The following ANKRD16 variants were observed in gnomAD, a reference collection of about 807,000 sequenced individuals.
The protein encoded by ANKRD16 is ankyrin repeat domain-containing protein 16.
ANKRD16 carries 35 observed loss-of-function variants against 37.9 expected under a neutral mutation model. The observed-to-expected ratio is 0.92, with a 90% CI of 0.71 to 1.23. ANKRD16 has a LOEUF of 1.23. ANKRD16 is among the 50% of genes most tolerant of loss of function. The probability of loss-of-function intolerance (pLI) is 0.00; values close to 1 mark genes in which losing one functional copy is unlikely to be tolerated. For missense variants in ANKRD16, 480 were observed against 469.9 expected (o/e 1.02, Z -0.20); for synonymous variants, 206 against 197.2 (o/e 1.04, Z -0.37).
chr10:5,889,011 A>T, intron 1 of ANKRD16, 30 bp downstream of exon 1: 1 of 1,488,418 alleles, frequency 6.7e-7, no homozygotes. Context: ...AGTAGAGGGG[A>T]GGCGGGGTGT....
At position 5,880,222 on chromosome 10, in the gene ANKRD16, A is replaced by T. The variant is rs1195578933; in HGVS notation, c.928+76T>A. 9 of 463,118 alleles carry T rather than the reference A, an allele frequency of 1.9e-5. No homozygotes were observed. In the East Asian group the frequency reaches 3.4e-4, roughly 17 times the overall value. 28.7% of individuals were successfully genotyped at this position (463,118 alleles called of 1,614,324 possible). On this transcript the variant is annotated intron_variant, in intron 6 of 7. Transcript: ENST00000380094. Reference sequence around the variant, plus strand: ...AAAAAAAAGGAAGAATATTAAAATCATTGTTTTAAATATAAAAGTGTATTG... The same window carrying T: ...AAAAAAAAGGAAGAATATTAAAATCTTTGTTTTAAATATAAAAGTGTATTG...
Position 5,864,801 on chromosome 10 carries a change from C to G in ANKRD16, c.*34-2110G>C, listed in dbSNP as rs914309372. ...AGGACAAAGGAGAATTAGGAAAAAG[C>G]CTGTGAATTATTTGATGATGTCCAC... is the stretch of plus-strand genomic sequence containing the variant. On this transcript the variant is annotated intron_variant, in intron 7 of 7. Transcript: ENST00000380094. This position sits in a 1 kb window ranked among gnomAD's most constrained non-coding sequence, Gnocchi z 4.4. Among the ~76,000 whole-genome samples the G allele has an allele frequency of 6.6e-6, 1 of 152,106 alleles. No individual in the cohort carries two copies. Among genetic ancestry groups the G allele is most frequent in the East Asian group, 1.9e-4 (1 of 5,196 alleles).
chr10:5,887,883 C>T lies in ANKRD16; in HGVS notation c.499G>A (p.Glu167Lys), dbSNP rs769273469. 6.2e-7 allele frequency: 1 copy of T among 1,614,000 alleles called. No homozygotes were observed. The highest frequency in any genetic ancestry group is 1.3e-5 in the African/African-American group (1 of 74,940). The stretch of plus-strand genomic sequence containing the variant: ...AGAGGAGTCCTTCTAATTTTGCTCT[C>T]TGTCTTCCAGGCACCTGGGCAAACA... ...LTVCPGAWKT[E>K]SKIRRTPLHT... The change falls in exon 2 of 8, where the codon GAG becomes AAG. Residue 167 changes from glutamate to lysine, a missense_variant. Physicochemically the swap from Glu to Lys is moderately conservative, Grantham distance 56. Coordinates refer to ENST00000380094, the MANE Select transcript of ANKRD16 (RefSeq NM_019046.3).
chr10:5,874,574 G>A lies in ANKRD16; in HGVS notation c.*33+3523C>T, dbSNP rs76645380. Among the ~76,000 whole-genome samples, 5,413 of 152,280 alleles carry A rather than the reference G, an allele frequency of 0.036. 185 individuals carry two copies. Among genetic ancestry groups the A allele is most frequent in the East Asian group, 0.15 (777 of 5,176 alleles). On this transcript the variant is annotated intron_variant, in intron 7 of 7. Coordinates refer to ENST00000380094, the MANE Select transcript of ANKRD16 (RefSeq NM_019046.3). The surrounding 1 kb of genome is among the most constrained non-coding windows in gnomAD (Gnocchi z 4.7). ...GGACTCCTTAAGAGGGAGGAGTCAT[G>A]ACTGACCCCCAGCTTTCCAACACAG... is the stretch of plus-strand genomic sequence containing the variant.
intron 7 of ANKRD16, among the ~76,000 whole-genome samples, chr10:5,872,819 G>C (rs1216037421): frequency 1.3e-5 from 2 of 151,720 alleles, no homozygotes; most frequent in Non-Finnish European, 2.9e-5. Flanking sequence ...GCCTCCCAAA[G>C]TGCTGGCATT....
At position 5,874,157 on chromosome 10, in the gene ANKRD16, G is replaced by A. The variant is rs1017942141; in HGVS notation, c.*33+3940C>T. The stretch of plus-strand genomic sequence containing the variant: ...GCCTGCCTCAGCCTCCCATAATACT[G>A]GGACTACAGGTGTAAGCCATCGTGC... On this transcript the variant is annotated intron_variant, in intron 7 of 7. Transcript: ENST00000380094. The surrounding 1 kb of genome is among the most constrained non-coding windows in gnomAD (Gnocchi z 4.7). Among the ~76,000 whole-genome samples, 19 of 152,218 alleles carry A rather than the reference G, an allele frequency of 1.2e-4. No individual in the cohort carries two copies. The highest frequency in any genetic ancestry group is 4.6e-4 in the African/African-American group (19 of 41,448).
intron 7 of ANKRD16, among the ~76,000 whole-genome samples, chr10:5,873,291 A>G (rs11255670): frequency 0.077 from 11,677 of 151,972 alleles, 1,477 homozygotes; most frequent in African/African-American, 0.26. Flanking sequence ...CGGCCTCCCA[A>G]AGTGCTGGGA....
chr10:5,862,726 A>G lies in ANKRD16; in HGVS notation c.*34-35T>C. 1 of 1,274,744 alleles carries G rather than the reference A, an allele frequency of 7.8e-7. No individual in the cohort carries two copies. The highest frequency in any genetic ancestry group is 1.0e-6 in the Non-Finnish European group (1 of 975,356). 79.0% of individuals were successfully genotyped at this position (1,274,744 alleles called of 1,614,324 possible). A position where few individuals can be genotyped will look rare whatever the true frequency, so the allele number is the denominator to read the frequency against. On this transcript the variant is annotated intron_variant, in intron 7 of 7. Transcript: ENST00000380094. The surrounding 1 kb of genome is among the most constrained non-coding windows in gnomAD (Gnocchi z 6.5). Reference sequence around the variant, plus strand: ...AAGAGTTATTATCATCTCAGTTTACAGATGAAACAGAAGCTCAGAGAGGGC... The same window carrying G: ...AAGAGTTATTATCATCTCAGTTTACGGATGAAACAGAAGCTCAGAGAGGGC...
intron 3 of ANKRD16, among the ~76,000 whole-genome samples, chr10:5,884,517 G>C (rs940121853): frequency 6.6e-6 from 1 of 152,110 alleles, no homozygotes; most frequent in Non-Finnish European, 1.5e-5. Flanking sequence ...GATCACCTGA[G>C]GTCAGGAGTT....
In ANKRD16 at chr10:5,868,592, A is replaced by G. The variant is rs549344631; in HGVS notation, c.*34-5901T>C. On this transcript the variant is annotated intron_variant, in intron 7 of 7. Transcript: ENST00000380094. The surrounding 1 kb of genome is among the most constrained non-coding windows in gnomAD (Gnocchi z 4.9). ...TCTGTAAAATGGACCAATCAGCAGG[A>G]TGTGGGTGGGGACAAGTAAGGGAAT... Among the ~76,000 whole-genome samples, 1 of 152,310 alleles carries G rather than the reference A, an allele frequency of 6.6e-6. No homozygotes were observed. The highest frequency in any genetic ancestry group is 2.1e-4 in the South Asian group (1 of 4,824).
Position 5,864,356 on chromosome 10 carries a change from C to G in ANKRD16, c.*34-1665G>C, listed in dbSNP as rs79559548. 6.6e-6 allele frequency among the ~76,000 whole-genome samples: 1 copy of G among 152,018 alleles called. No individual in the cohort carries two copies. The highest frequency in any genetic ancestry group is 2.1e-4 in the South Asian group (1 of 4,808). On this transcript the variant is annotated intron_variant, in intron 7 of 7. Transcript: ENST00000380094. The surrounding 1 kb of genome is among the most constrained non-coding windows in gnomAD (Gnocchi z 4.4). ...ACAACCTCCCCCCCACCCCTGCTAT[C>G]GGTTATGTCCTTTTCAAGCTGTATG...
chr10:5,862,691 T>C lies in ANKRD16; in HGVS notation c.*34A>G. The C allele has an allele frequency of 7.8e-7, 1 of 1,289,504 alleles. No individual in the cohort carries two copies. Among genetic ancestry groups the C allele is most frequent in the Non-Finnish European group, 1.0e-6 (1 of 988,668 alleles). 79.9% of individuals were successfully genotyped at this position (1,289,504 alleles called of 1,614,324 possible). On this transcript the variant is annotated splice_region_variant and 3_prime_UTR_variant, in exon 8 of 8. Transcript: ENST00000380094. The surrounding 1 kb of genome is among the most constrained non-coding windows in gnomAD (Gnocchi z 6.5). ...GAAAGGTGCTCAGGCTCCCAGCAAC[T>C]CTGTGAAGAAAGAGTTATTATCATC...
chr10:5,881,851 C>T (rs1589022994), intron 5 of ANKRD16, among the ~76,000 whole-genome samples: 1 of 151,950 alleles, frequency 6.6e-6, no homozygotes, highest in African/African-American at 2.4e-5. Context: ...CCATGCCCGG[C>T]TAATTTTTTG....
chr10:5,873,786 CTCTTG>C (rs1842141232), intron 7 of ANKRD16, among the ~76,000 whole-genome samples: 1 of 152,084 alleles, frequency 6.6e-6, no homozygotes, highest in South Asian at 2.1e-4. Context: ...GATCCTTTCC[CTCTTG>C]TCTTGTGTAT....
intron 7 of ANKRD16, among the ~76,000 whole-genome samples, chr10:5,872,596 GC>G (rs1842109700): frequency 6.6e-6 from 1 of 151,418 alleles, no homozygotes; most frequent in Non-Finnish European, 1.5e-5. Context: ...TCACTCTGTT[GC>G]CCAGGCTGGA....
In ANKRD16 at chr10:5,874,974, G is replaced by A. The variant is rs1842161315; in HGVS notation, c.*33+3123C>T. Among the ~76,000 whole-genome samples the A allele has an allele frequency of 6.6e-6, 1 of 152,136 alleles. No homozygotes were observed. The highest frequency in any genetic ancestry group is 6.5e-5 in the Admixed American group (1 of 15,270). ...ATTGCATGTGGCAACAGTCCAGAAGGGGTAGTGATCAGTAAGTGAACTGAA... is the reference window on the plus strand; with the variant it reads ...ATTGCATGTGGCAACAGTCCAGAAGAGGTAGTGATCAGTAAGTGAACTGAA... On this transcript the variant is annotated intron_variant, in intron 7 of 7. Coordinates refer to ENST00000380094, the MANE Select transcript of ANKRD16 (RefSeq NM_019046.3). This position sits in a 1 kb window ranked among gnomAD's most constrained non-coding sequence, Gnocchi z 4.7.
chr10:5,884,540 G>A (rs1842381956), intron 3 of ANKRD16, among the ~76,000 whole-genome samples: 2 of 152,080 alleles, frequency 1.3e-5, no homozygotes, highest in Admixed American at 6.6e-5. Context: ...AGACCAGCCT[G>A]GCCAATGTGG....
intron 5 of ANKRD16, 75 bp downstream of exon 5, chr10:5,882,931 G>C (rs565482959): frequency 6.6e-5 from 100 of 1,512,358 alleles, no homozygotes; most frequent in Admixed American, 1.3e-4. Flanking sequence ...AAAGAAACCA[G>C]GCTGCAGAGC....
At chr10:5,881,046 G>A (rs868440017) in intron 5 of ANKRD16, 100 of 359,428 alleles carry the variant, frequency 2.8e-4, no homozygotes, top group African/African-American at 2.2e-3. Flanking sequence ...GGATCCTCCT[G>A]TCTCAGCCTC....
Sources: gnomAD v4.1 joint callset for allele counts (sites outside exome capture counted in the v4.1 genomes callset) on GRCh38, gnomAD v4.1.1 for gene constraint, Gnocchi (gnomAD v3.1) non-coding constraint, MANE v1.5 for transcripts, NCBI Gene and HGNC (gene_info 2026-07-23, HGNC 2026-07-21) for gene names.